Variants in RANBP2 observed in about 807,000 individuals in gnomAD.
RANBP2 encodes E3 SUMO-protein ligase RanBP2.
In RANBP2, 57 loss-of-function variants were observed where a neutral mutation model predicts 303.6. The observed-to-expected ratio is 0.19, with a 90% CI of 0.15 to 0.23. The LOEUF (loss-of-function observed/expected upper bound fraction) is 0.23, where lower values mean the gene tolerates loss of function less well. Ranked by LOEUF, RANBP2 falls within the 10% of genes least tolerant of loss-of-function variation. RANBP2 has a pLI of 1.00. For synonymous variants in RANBP2, 1,167 were observed against 1,301.5 expected (o/e 0.90, Z 2.23); for missense variants, 3,138 against 3,780.8 (o/e 0.83, Z 4.46).
At chr2:109,151,411 A>G in the RANBP2 span, among the ~76,000 whole-genome samples, 1 of 152,188 alleles carries the variant, frequency 6.6e-6, no homozygotes, top group Non-Finnish European at 1.5e-5. Context: ...CAAATTCCTA[A>G]TTTTATACTC....
At chr2:109,733,797 G>A in the RANBP2 span, among the ~76,000 whole-genome samples, 4 of 151,596 alleles carry the variant, frequency 2.6e-5, no homozygotes, top group East Asian at 3.9e-4. Flanking sequence ...GCTTGAACCC[G>A]AGAAACCGAG....
the RANBP2 span, among the ~76,000 whole-genome samples, chr2:109,252,714 A>T: frequency 6.6e-6 from 1 of 152,368 alleles, no homozygotes; most frequent in Non-Finnish European, 1.5e-5. Context: ...TCAGAACAAT[A>T]TACATTAGGC....
chr2:109,013,103 A>G, the RANBP2 span, among the ~76,000 whole-genome samples: 76 of 152,344 alleles, frequency 5.0e-4, no homozygotes, highest in Non-Finnish European at 7.1e-4. Context: ...AGGAGCCTGT[A>G]ATTGACAACA....
At chr2:109,038,084 T>C in the RANBP2 span, among the ~76,000 whole-genome samples, 2 of 152,136 alleles carry the variant, frequency 1.3e-5, no homozygotes, top group South Asian at 2.1e-4. Context: ...GGCAGAGAGA[T>C]AGACATGTAG....
the RANBP2 span, among the ~76,000 whole-genome samples, chr2:109,159,603 G>A: frequency 6.6e-6 from 1 of 152,196 alleles, no homozygotes; most frequent in Non-Finnish European, 1.5e-5. Flanking sequence ...CCTGGGCCAT[G>A]GACTGATACC....
chr2:109,650,424 T>C, the RANBP2 span, among the ~76,000 whole-genome samples: 1 of 152,164 alleles, frequency 6.6e-6, no homozygotes, highest in Non-Finnish European at 1.5e-5. Context: ...GGGGAGGGCC[T>C]GCCCGGGCAG....
chr2:108,919,517 C>T, the RANBP2 span, among the ~76,000 whole-genome samples: 2 of 152,118 alleles, frequency 1.3e-5, no homozygotes, highest in Non-Finnish European at 2.9e-5. Context: ...CACCACCACG[C>T]CCAGCTAATT....
At chr2:109,095,727 T>C in the RANBP2 span, among the ~76,000 whole-genome samples, 2 of 152,214 alleles carry the variant, frequency 1.3e-5, no homozygotes, top group Non-Finnish European at 2.9e-5. Flanking sequence ...TAAAGGGTTC[T>C]AAAAGGTTTA....
chr2:108,829,515 G>A, the RANBP2 span, among the ~76,000 whole-genome samples: 4 of 152,202 alleles, frequency 2.6e-5, no homozygotes, highest in Admixed American at 2.0e-4. Flanking sequence ...GGAGGCCAAG[G>A]CAGGCGGGTC....
At chr2:109,206,781 A>C in the RANBP2 span, among the ~76,000 whole-genome samples, 1 of 152,202 alleles carries the variant, frequency 6.6e-6, no homozygotes, top group African/African-American at 2.4e-5. Context: ...GTGCCACTGC[A>C]CTCCAGCCTG....
chr2:109,524,462 AAAAAC>A, the RANBP2 span, among the ~76,000 whole-genome samples: 276 of 63,158 alleles, frequency 4.4e-3, 4 homozygotes, highest in African/African-American at 0.013. Context: ...AAAAAAAAAA[AAAAAC>A]AAAACAACAC....
chr2:109,648,231 C>T, the RANBP2 span, among the ~76,000 whole-genome samples: 3 of 152,194 alleles, frequency 2.0e-5, no homozygotes, highest in African/African-American at 7.2e-5. Context: ...ACTGAACCAA[C>T]AGCAGAGAAC....
At chr2:108,738,224 C>T (rs1442570114) in intron 6 of RANBP2, among the ~76,000 whole-genome samples, 10 of 150,662 alleles carry the variant, frequency 6.6e-5, no homozygotes, top group East Asian at 2.0e-4. Context: ...TACAGGTGCC[C>T]GCCACCACAC....
chr2:108,872,656 CAA>C, the RANBP2 span, among the ~76,000 whole-genome samples: 1 of 152,068 alleles, frequency 6.6e-6, no homozygotes, highest in East Asian at 1.9e-4. Flanking sequence ...TGGCAGAGGA[CAA>C]GAGGGCAAGA....
At chr2:109,320,044 C>T in the RANBP2 span, among the ~76,000 whole-genome samples, 13 of 152,184 alleles carry the variant, frequency 8.5e-5, no homozygotes, top group Admixed American at 6.5e-4. Flanking sequence ...TAGGTCTTCA[C>T]GGAGCTACTT....
the RANBP2 span, among the ~76,000 whole-genome samples, chr2:109,644,561 C>G: frequency 6.6e-6 from 1 of 152,148 alleles, no homozygotes; most frequent in African/African-American, 2.4e-5. Flanking sequence ...TAAAAACTGT[C>G]TGCAAAATAG....
In RANBP2 at chr2:108,753,523, A is replaced by G. The variant is rs767990485; in HGVS notation, c.2015A>G (p.Glu672Gly). Residue 672 changes from glutamate (E) to glycine (G), a missense_variant, in exon 14 of 29, where the codon GAA becomes GGA. Transcript: ENST00000283195. The part of the protein sequence containing the change: ...GNIEDAVTAF[E>G]SIKSVVSYWN... ...ATAGAAGATGCTGTGACTGCTTTTG[A>G]ATCTATAAAAAGTGTTGTTTCTTAT... is the stretch of plus-strand genomic sequence containing the variant. 26 of 1,611,766 alleles carry G rather than the reference A, an allele frequency of 1.6e-5. No homozygotes were observed. Among genetic ancestry groups the G allele is most frequent in the Non-Finnish European group, 1.9e-5 (22 of 1,179,824 alleles).
the RANBP2 span, among the ~76,000 whole-genome samples, chr2:109,657,655 C>T: frequency 1.3e-5 from 2 of 149,396 alleles, no homozygotes; most frequent in African/African-American, 4.9e-5. Flanking sequence ...CGGGAGGAGG[C>T]AATACATTCC....
the RANBP2 span, among the ~76,000 whole-genome samples, chr2:109,388,045 C>T: frequency 1.3e-5 from 2 of 152,214 alleles, no homozygotes; most frequent in African/African-American, 4.8e-5. Flanking sequence ...GTTCAGCCCT[C>T]ACAGCCTGAA....
Sources: allele counts gnomAD v4.1 joint callset (sites outside exome capture counted in the v4.1 genomes callset), GRCh38; gene constraint gnomAD v4.1.1; transcripts MANE v1.5; gene names NCBI Gene and HGNC (gene_info 2026-07-23, HGNC 2026-07-21).